AHCYL2: variants seen among roughly 807,000 people sequenced by gnomAD.
The protein encoded by AHCYL2 is S-adenosylhomocysteine hydrolase-like protein 2.
AHCYL2 carries 28 observed loss-of-function variants against 81.4 expected under a neutral mutation model. That is an observed-to-expected ratio of 0.34 (90% CI 0.25 to 0.47). AHCYL2 has a LOEUF of 0.47. Among genes scored for constraint, AHCYL2 ranks in the 20% least tolerant of loss-of-function variants. The pLI is 1.00. For missense variants in AHCYL2, 551 were observed against 785.1 expected, an observed-to-expected ratio of 0.70 and a Z score of 3.56; for synonymous variants, 272 against 290.2, an observed-to-expected ratio of 0.94 and a Z score of 0.64.
intron 1 of AHCYL2, chr7:129,375,992 C>T: frequency 6.6e-7 from 1 of 1,524,478 alleles, no homozygotes. Context: ...AGGCCGACTG[C>T]TTATACTCTT....
At chr7:129,263,152 C>A (rs1235657540) in intron 1 of AHCYL2, among the ~76,000 whole-genome samples, 3 of 152,200 alleles carry the variant, frequency 2.0e-5, no homozygotes, top group Non-Finnish European at 1.5e-5. Flanking sequence ...TACAAACAGT[C>A]CCCATATTTT....
Position 129,388,931 on chromosome 7 carries a change from C to G in AHCYL2, c.476-125C>G, listed in dbSNP as rs898811598. ...CTGGCATGTGTATAGCCTGCAGGTA[C>G]TTAACAGAGGTAAAAAAATTTATAT... On this transcript the variant is annotated intron_variant, in intron 2 of 16. Coordinates refer to ENST00000325006, the MANE Select transcript of AHCYL2 (RefSeq NM_015328.4). 7 of 1,066,928 alleles carry G rather than the reference C, an allele frequency of 6.6e-6. No homozygotes were observed. The South Asian group carries it at 8.4e-5, about 13-fold the overall frequency. 66.1% of individuals were successfully genotyped at this position (1,066,928 alleles called of 1,614,324 possible). A position where few individuals can be genotyped will look rare whatever the true frequency, so the allele number is the denominator to read the frequency against.
At chr7:129,333,308 CAAAAAAA>C (rs1181621904) in intron 1 of AHCYL2, among the ~76,000 whole-genome samples, 16 of 67,514 alleles carry the variant, frequency 2.4e-4, no homozygotes, top group African/African-American at 4.9e-4. Flanking sequence ...CATCTCTACC[CAAAAAAA>C]AAAAAAAAAA....
At chr7:129,330,077 T>C (rs190301150) in intron 1 of AHCYL2, among the ~76,000 whole-genome samples, 12 of 152,316 alleles carry the variant, frequency 7.9e-5, no homozygotes, top group Admixed American at 3.9e-4. Flanking sequence ...CGATCATAGG[T>C]GAGCTTGAGC....
At chr7:129,296,753 T>G (rs1478895539) in intron 1 of AHCYL2, among the ~76,000 whole-genome samples, 1 of 152,076 alleles carries the variant, frequency 6.6e-6, no homozygotes, top group Non-Finnish European at 1.5e-5. Context: ...CCTAGAATGG[T>G]CCATGCAGTT....
intron 1 of AHCYL2, among the ~76,000 whole-genome samples, chr7:129,314,567 G>A (rs957330718): frequency 1.3e-5 from 2 of 152,116 alleles, no homozygotes; most frequent in African/African-American, 2.4e-5. Context: ...CCATCCTCTA[G>A]CCATGTCCTT....
intron 11 of AHCYL2, among the ~76,000 whole-genome samples, 164 bp from the exon 12 acceptor site, chr7:129,413,430 C>T (rs1460123859): frequency 1.3e-5 from 2 of 151,458 alleles, no homozygotes; most frequent in East Asian, 1.9e-4. Context: ...CATGAGCCAC[C>T]GCGCCTGGCC....
intron 2 of AHCYL2, chr7:129,388,042 C>T (rs1025215395): frequency 6.6e-6 from 1 of 152,172 alleles, no homozygotes; most frequent in Non-Finnish European, 1.5e-5. Flanking sequence ...ATAAGTAGAT[C>T]AGAGCATCGT....
intron 1 of AHCYL2, among the ~76,000 whole-genome samples, chr7:129,310,676 G>A (rs1797623300): frequency 6.6e-6 from 1 of 152,208 alleles, no homozygotes; most frequent in South Asian, 2.1e-4. Context: ...TTGCACTGGT[G>A]AGAGACATTA....
intron 1 of AHCYL2, among the ~76,000 whole-genome samples, chr7:129,327,489 C>T (rs143002034): frequency 5.9e-5 from 9 of 152,250 alleles, no homozygotes; most frequent in East Asian, 1.9e-4. Flanking sequence ...ATATCTGAGA[C>T]GGAGTCTAGC....
At chr7:129,236,796 ATTC>A (rs1794660353) in intron 1 of AHCYL2, among the ~76,000 whole-genome samples, 1 of 152,176 alleles carries the variant, frequency 6.6e-6, no homozygotes, top group African/African-American at 2.4e-5. Flanking sequence ...TAATATCTGC[ATTC>A]TTCTGACAGA....
chr7:129,414,047 T>G (rs1247911501), intron 12 of AHCYL2, among the ~76,000 whole-genome samples: 1 of 152,190 alleles, frequency 6.6e-6, no homozygotes, highest in Non-Finnish European at 1.5e-5. Flanking sequence ...GTCAGTATTT[T>G]GGGGGTGTTT....
chr7:129,374,098 C>T (rs558843266), intron 1 of AHCYL2, among the ~76,000 whole-genome samples: 15 of 151,722 alleles, frequency 9.9e-5, no homozygotes, highest in African/African-American at 2.9e-4. Context: ...TAATCTGATA[C>T]GAAAATGAAT....
chr7:129,427,139 A>C lies in AHCYL2; in HGVS notation c.*94A>C. 1.5e-6 allele frequency: 2 copies of C among 1,322,116 alleles called. No homozygotes were observed. The highest frequency in any genetic ancestry group is 2.2e-6 in the Non-Finnish European group (2 of 925,650). The allele number at this position is 1,322,116 out of a possible 1,614,324, so 81.9% of individuals were successfully genotyped here. On this transcript the variant is annotated 3_prime_UTR_variant, in exon 17 of 17. Transcript: ENST00000325006. This position sits in a 1 kb window ranked among gnomAD's most constrained non-coding sequence, Gnocchi z 5.5. ...AAAGAATTCAGCAAGCTGCTTCTCC[A>C]ATCAAAGCTGCCTGCCGTGCTCACC...
At chr7:129,413,317 A>G (rs1796685376) in intron 11 of AHCYL2, among the ~76,000 whole-genome samples, 1 of 151,588 alleles carries the variant, frequency 6.6e-6, no homozygotes, top group Non-Finnish European at 1.5e-5. Flanking sequence ...AATTTTTTGT[A>G]TTTTTAGTAG....
At chr7:129,370,474 A>G (rs565352378) in intron 1 of AHCYL2, among the ~76,000 whole-genome samples, 80 of 152,334 alleles carry the variant, frequency 5.3e-4, no homozygotes, top group East Asian at 9.6e-4. Context: ...CAGGGCGGGC[A>G]GATCACGAGG....
rs10653631 is a variant in AHCYL2 at position 129,414,420 on chromosome 7, C to CTTTTTTTTT, written c.1461+742_1461+750dup. On this transcript the variant is annotated intron_variant, in intron 12 of 16. Coordinates refer to ENST00000325006, the MANE Select transcript of AHCYL2 (RefSeq NM_015328.4). Reference sequence around the variant, plus strand: ...GTAATAGTTAATAGAAATGTTGTTTCTTTTTTTTTTTTTTTTTTGAGACGG... The same window carrying CTTTTTTTTT: ...GTAATAGTTAATAGAAATGTTGTTTCTTTTTTTTTTTTTTTTTTTTTTTTTTTGAGACGG... Among the ~76,000 whole-genome samples, 8 of 125,470 alleles carry CTTTTTTTTT rather than the reference C, an allele frequency of 6.4e-5. 1 individual carries two copies. Among genetic ancestry groups the CTTTTTTTTT allele is most frequent in the Non-Finnish European group, 9.6e-5 (6 of 62,498 alleles). 82.3% of individuals were successfully genotyped at this position (125,470 alleles called of 152,430 possible).
chr7:129,339,916 CTTTTTTTTT>C (rs774989478), intron 1 of AHCYL2, among the ~76,000 whole-genome samples: 10 of 104,536 alleles, frequency 9.6e-5, no homozygotes, highest in African/African-American at 3.6e-4. Context: ...TTCCTCTGCT[CTTTTTTTTT>C]TTTTTTTTTT....
Position 129,422,936 on chromosome 7 carries a change from G to A in AHCYL2, c.1558G>A (p.Glu520Lys), listed in dbSNP as rs1452055105. Residue 520 changes from glutamate to lysine, a missense_variant and splice_region_variant, in exon 13 of 17, where the codon GAG (glutamate) becomes AAG (lysine). Physicochemically the swap from Glu to Lys is moderately conservative, Grantham distance 56 (BLOSUM62 1). Transcript: ENST00000325006. ...TGGCAAGAGGATAGTACTGCTGGCA[G>A]AGGTAAGGCTGAGACTGGCAAAAAT... Reference protein sequence around the residue: ...PDGKRIVLLAEGRLLNLSCST... With the variant: ...PDGKRIVLLAKGRLLNLSCST... 6.2e-7 allele frequency: 1 copy of A among 1,614,040 alleles called. No individual in the cohort carries two copies.
Sources: gnomAD v4.1 joint callset for allele counts (sites outside exome capture counted in the v4.1 genomes callset) on GRCh38, gnomAD v4.1.1 for gene constraint, Gnocchi (gnomAD v3.1) non-coding constraint, MANE v1.5 for transcripts, NCBI Gene and HGNC (gene_info 2026-07-23, HGNC 2026-07-21) for gene names.